Variants in GALNTL6 observed in about 807,000 individuals in gnomAD.
GALNTL6 encodes the protein polypeptide N-acetylgalactosaminyltransferase like 6, also known as polypeptide N-acetylgalactosaminyltransferase-like 6.
Under a neutral mutation model 73.7 loss-of-function variants are expected in GALNTL6, and 46 were observed. The ratio of observed to expected loss-of-function variants is 0.62; its 90% CI spans 0.49 to 0.80. The LOEUF is 0.80. Ranked by LOEUF, GALNTL6 falls within the 30% of genes least tolerant of loss-of-function variation. The pLI is 0.00. For synonymous variants in GALNTL6, 259 were observed against 263.7 expected, an observed-to-expected ratio of 0.98 and a Z score of 0.17; for missense variants, 604 against 755.0, an observed-to-expected ratio of 0.80 and a Z score of 2.34.
At chr4:172,564,636 A>T (rs917468993) in intron 5 of GALNTL6, among the ~76,000 whole-genome samples, 2 of 152,262 alleles carry the variant, frequency 1.3e-5, no homozygotes, top group Non-Finnish European at 2.9e-5. Context: ...AATGGCAAAC[A>T]TAAAGAGAAA....
chr4:172,450,426 G>T (rs1732169891), intron 5 of GALNTL6, among the ~76,000 whole-genome samples: 1 of 152,094 alleles, frequency 6.6e-6, no homozygotes, highest in South Asian at 2.1e-4. Flanking sequence ...CATGATCCTT[G>T]CACAGGCTAT....
chr4:172,552,540 A>G (rs1735990908), intron 5 of GALNTL6, among the ~76,000 whole-genome samples: 1 of 152,096 alleles, frequency 6.6e-6, no homozygotes, highest in African/African-American at 2.4e-5. Flanking sequence ...TAAAACATAA[A>G]GTCCAAATTT....
rs186727478 is a variant in GALNTL6, at chr4:172,170,320, T to C, written c.139-59336T>C. The stretch of plus-strand genomic sequence containing the variant: ...GAGTTATCATGAGATCTGATGGCTT[T>C]ATAAGTTTTTAACAATGCCTCCTTC... On this transcript the variant is annotated intron_variant, in intron 2 of 12. Coordinates refer to ENST00000506823, the MANE Select transcript of GALNTL6 (RefSeq NM_001034845.3). Among the ~76,000 whole-genome samples, 13 of 152,232 alleles carry C rather than the reference T, an allele frequency of 8.5e-5. No individual in the cohort carries two copies. The East Asian group carries it at 1.7e-3, about 20-fold the overall frequency.
At chr4:171,951,505 C>T (rs1230159971) in intron 2 of GALNTL6, among the ~76,000 whole-genome samples, 5 of 151,714 alleles carry the variant, frequency 3.3e-5, no homozygotes, top group Middle Eastern at 3.6e-3. Flanking sequence ...ATAAAAATCA[C>T]GAGTAAAAAT....
At chr4:171,838,161 T>C (rs1735149508) in intron 2 of GALNTL6, among the ~76,000 whole-genome samples, 1 of 151,966 alleles carries the variant, frequency 6.6e-6, no homozygotes, top group Non-Finnish European at 1.5e-5. Context: ...TTCGCTCTTT[T>C]TGCCCAGGCT....
At chr4:172,591,969 C>T (rs1039002364) in intron 5 of GALNTL6, among the ~76,000 whole-genome samples, 1 of 152,194 alleles carries the variant, frequency 6.6e-6, no homozygotes, top group African/African-American at 2.4e-5. Flanking sequence ...GCATAGACCA[C>T]TAAGAGTACT....
intron 5 of GALNTL6, among the ~76,000 whole-genome samples, chr4:172,614,273 T>C (rs1442751083): frequency 1.3e-5 from 2 of 152,096 alleles, no homozygotes; most frequent in African/African-American, 4.8e-5. Flanking sequence ...AAAAATTGTC[T>C]CTCTATTTCA....
intron 12 of GALNTL6, among the ~76,000 whole-genome samples, chr4:173,027,537 T>G (rs1425930857): frequency 6.6e-6 from 1 of 152,204 alleles, no homozygotes; most frequent in Non-Finnish European, 1.5e-5. Context: ...GAAAGTAAGC[T>G]AATAAAATAA....
chr4:171,951,708 TA>T (rs1158348833), intron 2 of GALNTL6, among the ~76,000 whole-genome samples: 1 of 151,936 alleles, frequency 6.6e-6, no homozygotes, highest in African/African-American at 2.4e-5. Context: ...AAACTGGAAT[TA>T]AGTAAGAAAT....
rs147767936 is a variant in GALNTL6 at position 172,486,134 on chromosome 4, T to G, written c.553+137445T>G. On this transcript the variant is annotated intron_variant, in intron 5 of 12. Transcript: ENST00000506823. The stretch of plus-strand genomic sequence containing the variant: ...GTCTAATAGTAGACACTGAAATATT[T>G]TAATTTTTTATTCTGTGTGTTTCAC... Among the ~76,000 whole-genome samples the G allele has an allele frequency of 1.8e-3, 270 of 152,298 alleles. 9 individuals are homozygous for G. The East Asian group carries it at 0.047, about 26-fold the overall frequency.
intron 5 of GALNTL6, among the ~76,000 whole-genome samples, chr4:172,551,441 G>C (rs1439506806): frequency 1.3e-5 from 2 of 151,746 alleles, no homozygotes; most frequent in Non-Finnish European, 2.9e-5. Flanking sequence ...GACAAAAGTA[G>C]AATATTTTTA....
intron 7 of GALNTL6, among the ~76,000 whole-genome samples, chr4:172,880,407 A>C (rs1012546769): frequency 6.6e-6 from 1 of 152,080 alleles, no homozygotes; most frequent in African/African-American, 2.4e-5. Context: ...CAGACCCCCC[A>C]AAAAATGTAT....
At chr4:172,527,809 G>A (rs949095914) in intron 5 of GALNTL6, among the ~76,000 whole-genome samples, 1 of 151,952 alleles carries the variant, frequency 6.6e-6, no homozygotes, top group Admixed American at 6.6e-5. Context: ...TTTTCCATGA[G>A]GTTGAAACAT....
intron 5 of GALNTL6, among the ~76,000 whole-genome samples, chr4:172,619,947 A>ACTTTC (rs1232718893): frequency 6.6e-6 from 1 of 152,224 alleles, no homozygotes; most frequent in Non-Finnish European, 1.5e-5. Flanking sequence ...AATTATTATT[A>ACTTTC]CTTTCCAAGA....
rs528213682 is a variant in GALNTL6 at position 171,946,278 on chromosome 4, G to T, written c.138+131560G>T. ...GAGATATAAGCTATTTCCTTATTAA[G>T]AAAAGTTTAAATAATAAAAAGTTAA... is the stretch of plus-strand genomic sequence containing the variant. On this transcript the variant is annotated intron_variant, in intron 2 of 12. Transcript: ENST00000506823. 2.0e-5 allele frequency among the ~76,000 whole-genome samples: 3 copies of T among 152,190 alleles called. No individual in the cohort carries two copies. In the South Asian group the frequency reaches 6.2e-4, roughly 32 times the overall value.
chr4:172,754,573 G>A (rs1231142251), intron 5 of GALNTL6, among the ~76,000 whole-genome samples: 2 of 151,902 alleles, frequency 1.3e-5, no homozygotes, highest in Non-Finnish European at 2.9e-5. Context: ...ACTCCATCTC[G>A]AAAATAAATT....
chr4:171,898,137 A>C (rs533367651), intron 2 of GALNTL6, among the ~76,000 whole-genome samples: 1 of 152,230 alleles, frequency 6.6e-6, no homozygotes, highest in South Asian at 2.1e-4. Context: ...GCTTACCATC[A>C]CTATTCATCA....
intron 2 of GALNTL6, among the ~76,000 whole-genome samples, chr4:171,907,504 C>G (rs1161273697): frequency 6.6e-6 from 1 of 151,630 alleles, no homozygotes; most frequent in Non-Finnish European, 1.5e-5. Context: ...AGGATACAAA[C>G]AAATGGAAGA....
chr4:171,822,619 T>C (rs1277116183), intron 2 of GALNTL6, among the ~76,000 whole-genome samples: 1 of 152,150 alleles, frequency 6.6e-6, no homozygotes, highest in African/African-American at 2.4e-5. Context: ...TGTGTACACC[T>C]AAAAAAGATA....
Sources: allele counts gnomAD v4.1 joint callset (sites outside exome capture counted in the v4.1 genomes callset), GRCh38; gene constraint gnomAD v4.1.1; transcripts MANE v1.5; gene names NCBI Gene and HGNC (gene_info 2026-07-23, HGNC 2026-07-21).